The following SMOC2 variants were observed in gnomAD, a reference collection of about 807,000 sequenced individuals.
SMOC2 encodes SPARC related modular calcium binding 2.
SMOC2 carries 39 observed loss-of-function variants against 61.4 expected under a neutral mutation model. That is an observed-to-expected ratio of 0.64 (90% CI 0.49 to 0.83). SMOC2 has a LOEUF of 0.83. Among genes scored for constraint, SMOC2 ranks in the 40% least tolerant of loss-of-function variants. SMOC2 has a pLI of 0.00. For synonymous variants in SMOC2, 247 were observed against 239.9 expected, an observed-to-expected ratio of 1.03 and a Z score of -0.27; for missense variants, 556 against 592.9, an observed-to-expected ratio of 0.94 and a Z score of 0.65.
intron 7 of SMOC2, among the ~76,000 whole-genome samples, chr6:168,583,710 T>G (rs1222727020): frequency 6.6e-6 from 1 of 152,214 alleles, no homozygotes; most frequent in Non-Finnish European, 1.5e-5. Flanking sequence ...CATGCTGAGT[T>G]CACAGGCTTG....
chr6:168,659,732 T>G, intron 11 of SMOC2, among the ~76,000 whole-genome samples: 1 of 151,590 alleles, frequency 6.6e-6, no homozygotes, highest in Non-Finnish European at 1.5e-5. Flanking sequence ...GGGTGGAGGT[T>G]GTAGGTTGGG....
At chr6:168,594,989 A>C (rs1444073828) in intron 7 of SMOC2, among the ~76,000 whole-genome samples, 23 of 57,376 alleles carry the variant, frequency 4.0e-4, no homozygotes, top group African/African-American at 1.2e-3. Flanking sequence ...CTGAGGCCTC[A>C]CGGGCATCTT....
intron 2 of SMOC2, among the ~76,000 whole-genome samples, chr6:168,519,548 G>T (rs1311662357): frequency 6.6e-6 from 1 of 152,152 alleles, no homozygotes; most frequent in African/African-American, 2.4e-5. Context: ...CTTCGGTCTC[G>T]TGTGCAGCCG....
At position 168,586,474 on chromosome 6, in the gene SMOC2, T is replaced by C. The variant is rs138415750; in HGVS notation, c.638-12344T>C. Among the ~76,000 whole-genome samples, 192 of 152,282 alleles carry C rather than the reference T, an allele frequency of 1.3e-3. 1 individual carries two copies. The highest frequency in any genetic ancestry group is 6.8e-3 in the Middle Eastern group (2 of 294). The stretch of plus-strand genomic sequence containing the variant: ...GAAAACTTTGAATAAGTTAGGTCCT[T>C]CACATTTTCCTATTTGTTTTAGAAC... On this transcript the variant is annotated intron_variant, in intron 7 of 12. Transcript: ENST00000356284.
At chr6:168,448,506 T>G (rs59001893) in intron 1 of SMOC2, among the ~76,000 whole-genome samples, 277 of 27,280 alleles carry the variant, frequency 0.01, no homozygotes, top group Non-Finnish European at 0.011. Flanking sequence ...ACGGGGATGG[T>G]GAGGATGGTG....
At chr6:168,556,043 C>T (rs1583105629) in intron 7 of SMOC2, among the ~76,000 whole-genome samples, 1 of 152,290 alleles carries the variant, frequency 6.6e-6, no homozygotes, top group East Asian at 1.9e-4. Context: ...CCTGGGGCCT[C>T]GGGCCATGCG....
chr6:168,466,370 G>A (rs1186852768), intron 1 of SMOC2, among the ~76,000 whole-genome samples: 2 of 152,218 alleles, frequency 1.3e-5, no homozygotes, highest in Non-Finnish European at 2.9e-5. Context: ...CTGGAACTGG[G>A]GTGCTCTGGA....
At chr6:168,632,141 G>A (rs1238701448) in intron 9 of SMOC2, among the ~76,000 whole-genome samples, 2 of 152,188 alleles carry the variant, frequency 1.3e-5, no homozygotes, top group African/African-American at 4.8e-5. Flanking sequence ...TTTTGTCAAT[G>A]ACAGGAGGTT....
At chr6:168,601,450 G>C (rs1044127355) in intron 8 of SMOC2, among the ~76,000 whole-genome samples, 1 of 152,238 alleles carries the variant, frequency 6.6e-6, no homozygotes, top group Non-Finnish European at 1.5e-5. Flanking sequence ...CGTGTGCTCC[G>C]CAGGGCTTGA....
chr6:168,498,753 C>T (rs9456134), intron 1 of SMOC2, among the ~76,000 whole-genome samples: 5,275 of 92,804 alleles, frequency 0.057, 5 homozygotes, highest in Non-Finnish European at 0.086. Flanking sequence ...CATAGCCTGT[C>T]TACTGCACAT....
At chr6:168,614,294 T>C (rs2115216743) in intron 9 of SMOC2, among the ~76,000 whole-genome samples, 1 of 74,254 alleles carries the variant, frequency 1.3e-5, no homozygotes, top group African/African-American at 6.0e-5. Flanking sequence ...GCACAGGGCC[T>C]CTTCACACCT....
chr6:168,481,119 A>G (rs1189253094), intron 1 of SMOC2, among the ~76,000 whole-genome samples: 1 of 152,154 alleles, frequency 6.6e-6, no homozygotes, highest in Non-Finnish European at 1.5e-5. Flanking sequence ...AAGACACTAA[A>G]TAGTAACTCA....
At position 168,606,640 on chromosome 6, in the gene SMOC2, G is replaced by A. The variant is rs73262523; in HGVS notation, c.825-1517G>A. ...TAGAACCTAAAGTGATCTCTGTGAA[G>A]TAAATAGGATCTTGTAGCCCTTTCT... On this transcript the variant is annotated intron_variant, in intron 8 of 12. Coordinates refer to ENST00000356284, the MANE Select transcript of SMOC2 (RefSeq NM_001166412.2). Among the ~76,000 whole-genome samples, 330 of 152,336 alleles carry A rather than the reference G, an allele frequency of 2.2e-3. 1 individual carries two copies. The highest frequency in any genetic ancestry group is 7.6e-3 in the African/African-American group (316 of 41,588).
At chr6:168,478,940 G>T (rs748549454) in intron 1 of SMOC2, among the ~76,000 whole-genome samples, 4 of 151,828 alleles carry the variant, frequency 2.6e-5, no homozygotes, top group Non-Finnish European at 5.9e-5. Flanking sequence ...CCCTGTCTCG[G>T]GAAAAGGAGT....
At chr6:168,466,998 G>C (rs775005653) in intron 1 of SMOC2, among the ~76,000 whole-genome samples, 2 of 152,146 alleles carry the variant, frequency 1.3e-5, no homozygotes. Context: ...CACATCCTGC[G>C]GTCGGGCGAA....
intron 7 of SMOC2, among the ~76,000 whole-genome samples, chr6:168,564,372 AG>A (rs1398105338): frequency 6.6e-6 from 1 of 152,130 alleles, no homozygotes; most frequent in Non-Finnish European, 1.5e-5. Context: ...ACATGATTCT[AG>A]GGCACTGTCT....
chr6:168,574,416 G>A (rs987325658), intron 7 of SMOC2, among the ~76,000 whole-genome samples: 17 of 152,342 alleles, frequency 1.1e-4, no homozygotes, highest in Admixed American at 4.6e-4. Context: ...CCTGTGGGCA[G>A]CACAGGGGAG....
At chr6:168,649,951 G>A (rs2115272303) in intron 9 of SMOC2, among the ~76,000 whole-genome samples, 1 of 152,280 alleles carries the variant, frequency 6.6e-6, no homozygotes. Context: ...ATGTTATCTT[G>A]AATTTGGGGT....
chr6:168,464,213 G>GAAAGGAAGGAAGGAAGA (rs1260504352), intron 1 of SMOC2, among the ~76,000 whole-genome samples: 20 of 147,450 alleles, frequency 1.4e-4, no homozygotes, highest in African/African-American at 4.8e-4. Flanking sequence ...GAGGAAGGAA[G>GAAAGGAAGGAAGGAAGA]AAAGGAAGGA....
Sources: gnomAD v4.1 joint callset for allele counts (sites outside exome capture counted in the v4.1 genomes callset) on GRCh38, gnomAD v4.1.1 for gene constraint, MANE v1.5 for transcripts, NCBI Gene and HGNC (gene_info 2026-07-23, HGNC 2026-07-21) for gene names.